The following SPMAP2L variants were observed in gnomAD, a reference collection of about 807,000 sequenced individuals.
The protein encoded by SPMAP2L is sperm microtubule associated protein 2 like.
the SPMAP2L span, chr4:56,593,040 A>G: frequency 3.8e-5 from 61 of 1,592,458 alleles, no homozygotes; most frequent in Non-Finnish European, 5.3e-5. Flanking sequence ...AGCAAAAACC[A>G]GATCTGGAGA....
the SPMAP2L span, among the ~76,000 whole-genome samples, chr4:56,576,490 A>G: frequency 6.6e-6 from 1 of 152,182 alleles, no homozygotes. Flanking sequence ...CTGACTAGCT[A>G]TTGGGTAATG....
At chr4:56,555,296 C>G in the SPMAP2L span, among the ~76,000 whole-genome samples, 1 of 152,136 alleles carries the variant, frequency 6.6e-6, no homozygotes, top group Non-Finnish European at 1.5e-5. Flanking sequence ...TTGTGTGGAT[C>G]TACTTATAGG....
chr4:56,533,346 T>A, the SPMAP2L span, among the ~76,000 whole-genome samples: 1 of 152,198 alleles, frequency 6.6e-6, no homozygotes, highest in Non-Finnish European at 1.5e-5. Context: ...TTATGCATCC[T>A]TTCCTCCTCG....
At chr4:56,579,415 G>T in the SPMAP2L span, among the ~76,000 whole-genome samples, 282 of 152,010 alleles carry the variant, frequency 1.9e-3, 1 homozygote, top group African/African-American at 6.4e-3. Context: ...ACATACCAAA[G>T]GTTATGAGAT....
the SPMAP2L span, chr4:56,595,171 T>A: frequency 3.1e-6 from 5 of 1,611,582 alleles, no homozygotes; most frequent in Admixed American, 3.3e-5. Context: ...AAATGCCAAC[T>A]ACATGGCCAA....
At chr4:56,554,377 C>T in the SPMAP2L span, among the ~76,000 whole-genome samples, 2 of 152,276 alleles carry the variant, frequency 1.3e-5, no homozygotes, top group East Asian at 1.9e-4. Flanking sequence ...TTTAGCCATT[C>T]TAATAGGTGT....
At chr4:56,541,664 T>C in the SPMAP2L span, among the ~76,000 whole-genome samples, 1 of 152,312 alleles carries the variant, frequency 6.6e-6, no homozygotes, top group African/African-American at 2.4e-5. Context: ...GGGCATCCTG[T>C]AGGACAAATT....
At chr4:56,537,067 G>A in the SPMAP2L span, among the ~76,000 whole-genome samples, 1 of 151,952 alleles carries the variant, frequency 6.6e-6, no homozygotes, top group Non-Finnish European at 1.5e-5. Flanking sequence ...CCCGGCCAAT[G>A]TATTAGTATT....
chr4:56,535,732 C>G, the SPMAP2L span, among the ~76,000 whole-genome samples: 2 of 152,176 alleles, frequency 1.3e-5, no homozygotes, highest in Non-Finnish European at 2.9e-5. Flanking sequence ...CTTGCACCAT[C>G]CCCGGTTCAT....
the SPMAP2L span, among the ~76,000 whole-genome samples, chr4:56,582,281 AT>A: frequency 6.6e-6 from 1 of 152,212 alleles, no homozygotes; most frequent in Admixed American, 6.5e-5. Flanking sequence ...ATAGGAGAAA[AT>A]TATTGAAAAT....
chr4:56,585,262 C>T, the SPMAP2L span, among the ~76,000 whole-genome samples: 1 of 152,198 alleles, frequency 6.6e-6, no homozygotes, highest in East Asian at 1.9e-4. Context: ...ATGTTCAGCC[C>T]TGTGCTATTA....
chr4:56,593,584 G>C, the SPMAP2L span: 10 of 1,603,216 alleles, frequency 6.2e-6, no homozygotes, highest in African/African-American at 1.2e-4. Context: ...GAGAATTTGG[G>C]GTAGACATCG....
At chr4:56,612,351 T>C in the SPMAP2L span, among the ~76,000 whole-genome samples, 2 of 152,040 alleles carry the variant, frequency 1.3e-5, no homozygotes, top group East Asian at 3.8e-4. Flanking sequence ...ATTTCTTTTT[T>C]TCTTTCTTTT....
the SPMAP2L span, among the ~76,000 whole-genome samples, chr4:56,601,943 G>A: frequency 6.6e-6 from 1 of 152,196 alleles, no homozygotes; most frequent in Admixed American, 6.5e-5. Flanking sequence ...GCATATGCCT[G>A]TAGTATCTCA....
chr4:56,611,939 C>T, the SPMAP2L span, among the ~76,000 whole-genome samples: 1 of 152,150 alleles, frequency 6.6e-6, no homozygotes, highest in Non-Finnish European at 1.5e-5. Flanking sequence ...TAAAGCTTCC[C>T]CTCTCCCCTA....
chr4:56,531,216 C>T, the SPMAP2L span: 2 of 1,483,116 alleles, frequency 1.3e-6, no homozygotes, highest in Non-Finnish European at 1.8e-6. Flanking sequence ...CTCCCTTCCC[C>T]TCATTCCCCA....
chr4:56,600,932 A>T, the SPMAP2L span: 4 of 1,533,544 alleles, frequency 2.6e-6, no homozygotes, highest in Non-Finnish European at 3.5e-6. Flanking sequence ...TTTCCACTAT[A>T]GGTACCTCCT....
chr4:56,593,968 C>T, the SPMAP2L span: 9 of 1,609,162 alleles, frequency 5.6e-6, no homozygotes, highest in Non-Finnish European at 7.6e-6. Context: ...TCTTTGATAC[C>T]TTGAAGATTC....
the SPMAP2L span, among the ~76,000 whole-genome samples, chr4:56,617,370 T>C: frequency 5.3e-5 from 8 of 152,314 alleles, no homozygotes; most frequent in African/African-American, 1.4e-4. Flanking sequence ...GTGCAGCACA[T>C]GACTGTATTA....
Sources: allele counts gnomAD v4.1 joint callset (sites outside exome capture counted in the v4.1 genomes callset), GRCh38; gene constraint gnomAD v4.1.1; transcripts MANE v1.5; gene names NCBI Gene and HGNC (gene_info 2026-07-23, HGNC 2026-07-21).